Variants in ACVR1B observed in about 807,000 individuals in gnomAD.
ACVR1B encodes the protein activin A receptor type 1B, also known as activin receptor type-1B.
In ACVR1B, 15 loss-of-function variants were observed where a neutral mutation model predicts 55.6. That is an observed-to-expected ratio of 0.27 (90% CI 0.18 to 0.42). The LOEUF (loss-of-function observed/expected upper bound fraction) is 0.42. Ranked by LOEUF, ACVR1B falls within the 10% of genes least tolerant of loss-of-function variation. ACVR1B has a pLI of 1.00. For missense variants in ACVR1B, 359 were observed against 670.1 expected (o/e 0.54, Z 5.13); for synonymous variants, 247 against 254.6 (o/e 0.97, Z 0.28).
intron 4 of ACVR1B, chr12:51,982,552 G>A: frequency 1.0e-6 from 1 of 982,920 alleles, no homozygotes; most frequent in Non-Finnish European, 1.4e-6. Flanking sequence ...TGCTGTGAGT[G>A]GCTGGTTCAC....
intron 1 of ACVR1B, among the ~76,000 whole-genome samples, chr12:51,961,893 CATA>C (rs1372039449): frequency 3.9e-5 from 6 of 152,214 alleles, no homozygotes; most frequent in African/African-American, 1.4e-4. Flanking sequence ...CACACTCCCT[CATA>C]ATGAGGCCCA....
chr12:51,985,046 A>G, intron 5 of ACVR1B, 146 bp from the exon 6 acceptor site: 1 of 699,120 alleles, frequency 1.4e-6, no homozygotes, highest in Admixed American at 3.5e-5. Context: ...AGACTGAGGT[A>G]CAGAGGGCTA....
intron 7 of ACVR1B, among the ~76,000 whole-genome samples, chr12:51,988,947 A>G (rs1049373401): frequency 1.2e-4 from 18 of 152,170 alleles, no homozygotes; most frequent in African/African-American, 4.1e-4. Flanking sequence ...GTGAAACTCT[A>G]TCTTTACAAA....
intron 1 of ACVR1B, among the ~76,000 whole-genome samples, chr12:51,955,168 G>A (rs1941384349): frequency 6.6e-6 from 1 of 152,228 alleles, no homozygotes; most frequent in Non-Finnish European, 1.5e-5. Flanking sequence ...TGGAGGCTGA[G>A]AAGTGGCCAG....
intron 7 of ACVR1B, among the ~76,000 whole-genome samples, chr12:51,991,154 T>G (rs1467459324): frequency 6.6e-6 from 1 of 152,246 alleles, no homozygotes; most frequent in Non-Finnish European, 1.5e-5. Flanking sequence ...TTTACCATTT[T>G]TCAAAATAAT....
At chr12:51,982,564 T>G in intron 4 of ACVR1B, 4 of 1,112,648 alleles carry the variant, frequency 3.6e-6, no homozygotes, top group East Asian at 3.1e-5. Flanking sequence ...CTGGTTCACA[T>G]TGTGGAAGGG....
At chr12:51,976,000 G>A (rs1429881659) in intron 2 of ACVR1B, among the ~76,000 whole-genome samples, 1 of 152,226 alleles carries the variant, frequency 6.6e-6, no homozygotes, top group Non-Finnish European at 1.5e-5. Flanking sequence ...AGAAACTAAA[G>A]CAGAGCTTAG....
rs1689319396 is a variant in ACVR1B at position 51,985,186 on chromosome 12, T to C, written c.980-6T>C. The C allele has an allele frequency of 3.1e-6, 5 of 1,604,482 alleles. No homozygotes were observed. In the South Asian group the frequency reaches 5.6e-5, roughly 18 times the overall value. On this transcript the variant is annotated splice_region_variant and splice_polypyrimidine_tract_variant and intron_variant, in intron 5 of 8. Coordinates refer to ENST00000257963, the MANE Select transcript of ACVR1B (RefSeq NM_004302.5). The stretch of plus-strand genomic sequence containing the variant: ...TTGTAAAGATCCCTGTTTTTTTCTC[T>C]GCCAGGGAAGCCTGGAATTGCTCAT...
intron 8 of ACVR1B, among the ~76,000 whole-genome samples, chr12:51,993,742 G>C (rs1192401893): frequency 8.4e-6 from 1 of 118,662 alleles, no homozygotes; most frequent in Non-Finnish European, 1.6e-5. Flanking sequence ...ACTCCAGCCT[G>C]GGTGACAGAG....
chr12:51,958,492 A>G (rs1941453676), intron 1 of ACVR1B, among the ~76,000 whole-genome samples: 1 of 152,150 alleles, frequency 6.6e-6, no homozygotes, highest in South Asian at 2.1e-4. Context: ...AAAATAAAAA[A>G]TTAGCCGGGC....
Position 51,994,099 on chromosome 12 carries a change from G to A in ACVR1B, c.1507G>A (p.Val503Met), listed in dbSNP as rs777774819. ...TLSQLSVQEDVKI is the reference protein window; with the variant it reads ...TLSQLSVQEDMKI ...CTCCCAGCTCAGCGTGCAGGAAGAC[G>A]TGAAGATCTAACTGCTCCCTCTCTC... The change falls in exon 9 of 9, where the codon GTG becomes ATG. Residue 503 changes from valine to methionine, a missense_variant. Transcript: ENST00000257963. The surrounding 1 kb of genome is among the most constrained non-coding windows in gnomAD (Gnocchi z 4.2). 27 of 1,613,556 alleles carry A rather than the reference G, an allele frequency of 1.7e-5. No homozygotes were observed. The highest frequency in any genetic ancestry group is 2.2e-5 in the South Asian group (2 of 91,096).
chr12:51,993,059 G>A (rs1242641290), intron 8 of ACVR1B, among the ~76,000 whole-genome samples: 1 of 152,170 alleles, frequency 6.6e-6, no homozygotes. Context: ...GTGCTGAATT[G>A]ATACATGTAT....
At chr12:51,975,184 G>T in intron 1 of ACVR1B, 81 bp from the exon 2 acceptor site, 1 of 1,540,388 alleles carries the variant, frequency 6.5e-7, no homozygotes, top group South Asian at 1.2e-5. Flanking sequence ...AGTATGCTAA[G>T]GGATTATATT....
In ACVR1B at chr12:51,979,477, A is replaced by AC. The variant is rs1260311962; in HGVS notation, c.581-1492_581-1491insC. Among the ~76,000 whole-genome samples, 228 of 151,616 alleles carry AC rather than the reference A, an allele frequency of 1.5e-3. 1 individual carries two copies. The highest frequency in any genetic ancestry group is 2.8e-3 in the Non-Finnish European group (187 of 67,842). ...GCGAGACACCATCTCAAAAAAAAAA[A>AC]AAAAAAGGAGTCTTGAAGAATGAGT... On this transcript the variant is annotated intron_variant, in intron 3 of 8. Coordinates refer to ENST00000257963, the MANE Select transcript of ACVR1B (RefSeq NM_004302.5).
At position 51,984,092 on chromosome 12, in the gene ACVR1B, AG is replaced by A; in HGVS notation, c.909del (p.Met304Ter). On this transcript the variant is annotated frameshift_variant, in exon 5 of 9. Transcript: ENST00000257963. LOFTEE classifies it high-confidence loss of function. ...DYLNRYTVTI[E>X]GMIKLALSAA... Reference sequence around the variant, plus strand: ...CTGAACCGGTACACAGTGACAATTGAGGGGATGATTAAGCTGGCCTTGTCTG... The same window carrying A: ...CTGAACCGGTACACAGTGACAATTGAGGGATGATTAAGCTGGCCTTGTCTG... The A allele has an allele frequency of 6.2e-7, 1 of 1,614,140 alleles. No homozygotes were observed. Among genetic ancestry groups the A allele is most frequent in the Non-Finnish European group, 8.5e-7 (1 of 1,180,026 alleles).
chr12:51,982,612 A>G (rs900041851), intron 4 of ACVR1B: 150 of 1,404,318 alleles, frequency 1.1e-4, no homozygotes, highest in Non-Finnish European at 1.4e-4. Context: ...CTCCTGTGGC[A>G]TGGTGCAATT....
In ACVR1B at chr12:51,981,204, G is replaced by A. The variant is rs1188771860; in HGVS notation, c.811+5G>A. 2 of 1,613,056 alleles carry A rather than the reference G, an allele frequency of 1.2e-6. No individual in the cohort carries two copies. Among genetic ancestry groups the A allele is most frequent in the African/African-American group, 2.7e-5 (2 of 74,886 alleles). On this transcript the variant is annotated splice_donor_5th_base_variant and intron_variant, in intron 4 of 8. Coordinates refer to ENST00000257963, the MANE Select transcript of ACVR1B (RefSeq NM_004302.5). ...TTATTGCTGCTGACAATAAAGGTAA[G>A]GGCTGGGCTTGGATACAGCATTCCC...
chr12:51,972,976 G>C (rs933770813), intron 1 of ACVR1B, among the ~76,000 whole-genome samples: 3 of 152,028 alleles, frequency 2.0e-5, no homozygotes, highest in African/African-American at 4.8e-5. Flanking sequence ...AAACCCACAC[G>C]GCCCAGCCCC....
chr12:51,972,300 C>T lies in ACVR1B; in HGVS notation c.92-2965C>T, dbSNP rs553377443. Among the ~76,000 whole-genome samples the T allele has an allele frequency of 3.3e-5, 5 of 152,292 alleles. No homozygotes were observed. The East Asian group carries it at 5.8e-4, about 18-fold the overall frequency. On this transcript the variant is annotated intron_variant, in intron 1 of 8. Coordinates refer to ENST00000257963, the MANE Select transcript of ACVR1B (RefSeq NM_004302.5). Reference sequence around the variant, plus strand: ...TACATAGCCCTGTGAAATACAGTCACGTGCCGTATAACAGCATTTTGGTCA... The same window carrying T: ...TACATAGCCCTGTGAAATACAGTCATGTGCCGTATAACAGCATTTTGGTCA...
Sources: gnomAD v4.1 joint callset for allele counts (sites outside exome capture counted in the v4.1 genomes callset) on GRCh38, gnomAD v4.1.1 for gene constraint, Gnocchi (gnomAD v3.1) non-coding constraint, MANE v1.5 for transcripts, NCBI Gene and HGNC (gene_info 2026-07-23, HGNC 2026-07-21) for gene names.